Variants in CDX1 observed in about 807,000 individuals in gnomAD.
The protein encoded by CDX1 is caudal type homeobox 1.
Under a neutral mutation model 16.9 loss-of-function variants are expected in CDX1, and 9 were observed. The ratio of observed to expected loss-of-function variants is 0.53; its 90% CI spans 0.32 to 0.93. CDX1 has a LOEUF of 0.93. Ranked by LOEUF, CDX1 falls within the 40% of genes least tolerant of loss-of-function variation. The probability of loss-of-function intolerance (pLI) is 0.04; values close to 1 mark genes in which losing one functional copy is unlikely to be tolerated. For synonymous variants in CDX1, 179 were observed against 179.0 expected, an observed-to-expected ratio of 1.00 and a Z score of 0.00; for missense variants, 393 against 386.1, an observed-to-expected ratio of 1.02 and a Z score of -0.15.
intron 1 of CDX1, among the ~76,000 whole-genome samples, chr5:150,178,499 C>T (rs1347405156): frequency 6.6e-6 from 1 of 152,104 alleles, no homozygotes; most frequent in African/African-American, 2.4e-5. Flanking sequence ...TAATTCATCC[C>T]CAGCCCTCTC....
chr5:150,172,180 CACTT>C (rs1421781484), intron 1 of CDX1, among the ~76,000 whole-genome samples: 5 of 152,228 alleles, frequency 3.3e-5, no homozygotes, highest in African/African-American at 1.2e-4. Flanking sequence ...GTTTTCATGA[CACTT>C]ACCACTGCCT....
chr5:150,183,510 C>T lies in CDX1; in HGVS notation c.628C>T (p.Arg210Cys), dbSNP rs758524697. 6.8e-6 allele frequency: 11 copies of T among 1,611,080 alleles called. No individual in the cohort carries two copies. Among genetic ancestry groups the T allele is most frequent in the East Asian group, 2.2e-5 (1 of 44,842 alleles). Reference sequence around the variant, plus strand: ...GTTCCAAAACCGGCGGGCAAAGGAGCGCAAAGTGAACAAGAAGAAACAGCA... The same window carrying T: ...GTTCCAAAACCGGCGGGCAAAGGAGTGCAAAGTGAACAAGAAGAAACAGCA... The part of the protein sequence containing the change: ...IWFQNRRAKE[R>C]KVNKKKQQQQ... The change falls in exon 3 of 3, where the codon CGC (arginine) becomes TGC (cysteine). Residue 210 changes from arginine to cysteine, a missense_variant. By Grantham distance (180) the Arg-to-Cys change is radical (BLOSUM62 -3). Transcript: ENST00000231656.
At chr5:150,172,483 C>A (rs1050897432) in intron 1 of CDX1, among the ~76,000 whole-genome samples, 31 of 152,098 alleles carry the variant, frequency 2.0e-4, no homozygotes, top group African/African-American at 5.8e-4. Flanking sequence ...GTGGCCTGCC[C>A]AAGCTCATAC....
Position 150,183,456 on chromosome 5 carries a change from T to C in CDX1, c.592-18T>C. On this transcript the variant is annotated intron_variant, in intron 2 of 2. Coordinates refer to ENST00000231656, the MANE Select transcript of CDX1 (RefSeq NM_001804.3). The stretch of plus-strand genomic sequence containing the variant: ...CTCTCCCTGCTGCCCACTCCATCTC[T>C]GTCCTCCAACCCCACAGGTGAAGAT... The C allele has an allele frequency of 1.9e-6, 3 of 1,580,544 alleles. No individual in the cohort carries two copies. Among genetic ancestry groups the C allele is most frequent in the Non-Finnish European group, 8.6e-7 (1 of 1,159,988 alleles).
chr5:150,180,337 G>A (rs1761626243), intron 1 of CDX1, among the ~76,000 whole-genome samples: 1 of 152,250 alleles, frequency 6.6e-6, no homozygotes, highest in South Asian at 2.1e-4. Flanking sequence ...GTGCTATGCT[G>A]GGCAGCGGAC....
Position 150,166,972 on chromosome 5 carries a change from C to G in CDX1, c.96C>G (p.Pro32=), listed in dbSNP as rs746230225. ...SLGLGPQAYG[P]PAPPPAPPQY... ...GCCTGGGCCCGCAAGCCTACGGCCCCCCGGCCCCGCCCCCGGCGCCCCCGC... is the reference window on the plus strand; with the variant it reads ...GCCTGGGCCCGCAAGCCTACGGCCCGCCGGCCCCGCCCCCGGCGCCCCCGC... Residue 32 remains proline (P), a synonymous_variant, in exon 1 of 3, where the codon CCC becomes CCG. Transcript: ENST00000231656. 1 of 1,456,916 alleles carries G rather than the reference C, an allele frequency of 6.9e-7. No individual in the cohort carries two copies. Among genetic ancestry groups the G allele is most frequent in the Non-Finnish European group, 9.0e-7 (1 of 1,108,754 alleles). The allele number at this position is 1,456,916 out of a possible 1,614,324, so 90.2% of individuals were successfully genotyped here. A position where few individuals can be genotyped will look rare whatever the true frequency, so the allele number is the denominator to read the frequency against.
intron 1 of CDX1, among the ~76,000 whole-genome samples, chr5:150,172,331 C>T (rs1174903294): frequency 6.6e-6 from 1 of 152,186 alleles, no homozygotes; most frequent in Non-Finnish European, 1.5e-5. Context: ...GTGGCATTGG[C>T]TAAATCTTTA....
At position 150,166,990 on chromosome 5, in the gene CDX1, G is replaced by GC; in HGVS notation, c.119dup (p.Gln41AlafsTer59). On this transcript the variant is annotated frameshift_variant, in exon 1 of 3. Transcript: ENST00000231656. LOFTEE classifies it high-confidence loss of function. ...ACGGCCCCCCGGCCCCGCCCCCGGCGCCCCCGCAGTACCCCGACTTCTCCA... is the reference window on the plus strand; with the variant it reads ...ACGGCCCCCCGGCCCCGCCCCCGGCGCCCCCCGCAGTACCCCGACTTCTCCA... 1 of 1,433,860 alleles carries GC rather than the reference G, an allele frequency of 7.0e-7. No homozygotes were observed. Among genetic ancestry groups the GC allele is most frequent in the Non-Finnish European group, 9.1e-7 (1 of 1,097,968 alleles). The allele number at this position is 1,433,860 out of a possible 1,614,324, so 88.8% of individuals were successfully genotyped here. A position where few individuals can be genotyped will look rare whatever the true frequency, so the allele number is the denominator to read the frequency against.
rs1383745031 is a variant in CDX1 at position 150,184,479 on chromosome 5, A to G, written c.*799A>G. On this transcript the variant is annotated 3_prime_UTR_variant, in exon 3 of 3. Coordinates refer to ENST00000231656, the MANE Select transcript of CDX1 (RefSeq NM_001804.3). ...ATCTCTTGGATGCAGCTTCAAGAAT[A>G]AATTTTTCTTCTCTTTTCAAAAATG... 1 of 152,228 alleles carries G rather than the reference A, an allele frequency of 6.6e-6. No homozygotes were observed. Among genetic ancestry groups the G allele is most frequent in the Non-Finnish European group, 1.5e-5 (1 of 68,036 alleles). 9.4% of individuals were successfully genotyped at this position (152,228 alleles called of 1,614,324 possible).
At chr5:150,171,437 G>A (rs1364295024) in intron 1 of CDX1, among the ~76,000 whole-genome samples, 1 of 152,254 alleles carries the variant, frequency 6.6e-6, no homozygotes, top group East Asian at 1.9e-4. Flanking sequence ...CCAGGTTCAC[G>A]CCATTCTGCT....
Position 150,182,760 on chromosome 5 carries a change from C to T in CDX1, c.446-8C>T. Reference sequence around the variant, plus strand: ...TCACCTTCCTTCCCGGCTCCTTCTGCTTCTCAGGTAAGACTCGGACCAAGG... The same window carrying T: ...TCACCTTCCTTCCCGGCTCCTTCTGTTTCTCAGGTAAGACTCGGACCAAGG... On this transcript the variant is annotated splice_region_variant and splice_polypyrimidine_tract_variant and intron_variant, in intron 1 of 2. Coordinates refer to ENST00000231656, the MANE Select transcript of CDX1 (RefSeq NM_001804.3). 6.4e-7 allele frequency: 1 copy of T among 1,554,808 alleles called. No individual in the cohort carries two copies. Among genetic ancestry groups the T allele is most frequent in the Non-Finnish European group, 8.7e-7 (1 of 1,152,884 alleles).
intron 1 of CDX1, among the ~76,000 whole-genome samples, chr5:150,177,478 A>G (rs1003909707): frequency 1.2e-4 from 19 of 152,288 alleles, no homozygotes; most frequent in African/African-American, 4.3e-4. Context: ...TGTATGCCGC[A>G]GGGTTGGAGA....
At chr5:150,178,865 G>A (rs1023663695) in intron 1 of CDX1, among the ~76,000 whole-genome samples, 9 of 151,268 alleles carry the variant, frequency 5.9e-5, no homozygotes, top group African/African-American at 9.7e-5. Flanking sequence ...TTTTTCACAC[G>A]TCTTAGAAAT....
intron 1 of CDX1, among the ~76,000 whole-genome samples, chr5:150,181,993 GAGCCAGAGCCTTTGAGGTAACTGGC>G: frequency 6.6e-6 from 1 of 152,238 alleles, no homozygotes; most frequent in Middle Eastern, 3.4e-3. Context: ...TTGGTATCGT[GAGCCAGAGCCTTTGAGGTAACTGGC>G]AGGTCCTAGG....
intron 1 of CDX1, among the ~76,000 whole-genome samples, chr5:150,178,671 A>T (rs1761601463): frequency 6.6e-6 from 1 of 152,144 alleles, no homozygotes; most frequent in Non-Finnish European, 1.5e-5. Flanking sequence ...ATAAAGATTT[A>T]AAAAACCCAA....
Position 150,167,121 on chromosome 5 carries a change from C to G in CDX1, c.245C>G (p.Ala82Gly). ...GCCGCCTACGGCCCGGGCCCCGCGG[C>G]CCCTGCCGCCAGCCCAGCTTCGCTG... ...WAAAYGPGPA[A>G]PAASPASLAF... The change falls in exon 1 of 3, where the codon GCC becomes GGC. Residue 82 changes from alanine to glycine, a missense_variant. Physicochemically the swap from Ala to Gly is moderately conservative, Grantham distance 60 (BLOSUM62 0). Coordinates refer to ENST00000231656, the MANE Select transcript of CDX1 (RefSeq NM_001804.3). 7 of 1,335,004 alleles carry G rather than the reference C, an allele frequency of 5.2e-6. No individual in the cohort carries two copies. Among genetic ancestry groups the G allele is most frequent in the Non-Finnish European group, 6.7e-6 (7 of 1,051,658 alleles). 82.7% of individuals were successfully genotyped at this position (1,335,004 alleles called of 1,614,324 possible).
intron 1 of CDX1, among the ~76,000 whole-genome samples, chr5:150,180,746 T>C (rs575038697): frequency 5.9e-5 from 9 of 152,084 alleles, no homozygotes; most frequent in Admixed American, 2.6e-4. Flanking sequence ...CAGCTTCTTA[T>C]AAAGGAAACT....
intron 1 of CDX1, among the ~76,000 whole-genome samples, chr5:150,181,208 C>T (rs1018903411): frequency 6.6e-6 from 1 of 152,180 alleles, no homozygotes; most frequent in Admixed American, 6.5e-5. Context: ...ACCTCGGGGC[C>T]TTTGCACTTG....
chr5:150,174,375 T>C lies in CDX1; in HGVS notation c.445+7054T>C, dbSNP rs377608976. ...GCTGTTTGTAAATCTTAAATGGCTG[T>C]CTTGGGCTCAGGGTGCCCCTGTGGA... On this transcript the variant is annotated intron_variant, in intron 1 of 2. Transcript: ENST00000231656. Among the ~76,000 whole-genome samples, 9 of 152,356 alleles carry C rather than the reference T, an allele frequency of 5.9e-5. No homozygotes were observed. In the East Asian group the frequency reaches 1.2e-3, roughly 20 times the overall value.
Sources: gnomAD v4.1 joint callset for allele counts (sites outside exome capture counted in the v4.1 genomes callset) on GRCh38, gnomAD v4.1.1 for gene constraint, MANE v1.5 for transcripts, NCBI Gene and HGNC (gene_info 2026-07-23, HGNC 2026-07-21) for gene names.